PARD3: variants seen among roughly 807,000 people sequenced by gnomAD.
The protein encoded by PARD3 is partitioning defective 3 homolog.
Under a neutral mutation model 155.4 loss-of-function variants are expected in PARD3, and 75 were observed. That is an observed-to-expected ratio of 0.48 (90% CI 0.40 to 0.58). The LOEUF (loss-of-function observed/expected upper bound fraction) is 0.58. Among genes scored for constraint, PARD3 ranks in the 20% least tolerant of loss-of-function variants. The pLI is 0.00. For synonymous variants in PARD3, 576 were observed against 610.5 expected, an observed-to-expected ratio of 0.94 and a Z score of 0.83; for missense variants, 1,642 against 1,721.7, an observed-to-expected ratio of 0.95 and a Z score of 0.82.
intron 3 of PARD3, among the ~76,000 whole-genome samples, chr10:34,511,859 G>A (rs1340369087): frequency 6.6e-6 from 1 of 152,086 alleles, no homozygotes; most frequent in Non-Finnish European, 1.5e-5. Flanking sequence ...CCGAGCCACA[G>A]CGAGTGCAGT....
intron 5 of PARD3, among the ~76,000 whole-genome samples, chr10:34,432,467 G>C (rs188911077): frequency 6.6e-6 from 1 of 151,646 alleles, no homozygotes; most frequent in Non-Finnish European, 1.5e-5. Flanking sequence ...TTGAAGCCTG[G>C]GAGACACAGA....
intron 22 of PARD3, among the ~76,000 whole-genome samples, chr10:34,212,132 C>A (rs1188496457): frequency 1.3e-5 from 2 of 151,828 alleles, no homozygotes; most frequent in Admixed American, 6.6e-5. Context: ...GCTCAAATCG[C>A]TATTATCCTA....
At chr10:34,693,373 G>A (rs952229447) in intron 2 of PARD3, among the ~76,000 whole-genome samples, 13 of 152,116 alleles carry the variant, frequency 8.5e-5, no homozygotes, top group Non-Finnish European at 1.0e-4. Flanking sequence ...TGGTAGAGTG[G>A]ATAAAGAAAA....
chr10:34,462,193 C>T (rs2077694798), intron 4 of PARD3, among the ~76,000 whole-genome samples: 1 of 152,162 alleles, frequency 6.6e-6, no homozygotes, highest in African/African-American at 2.4e-5. Context: ...GCTGGATCTC[C>T]CTTGAAACTA....
intron 1 of PARD3, among the ~76,000 whole-genome samples, chr10:34,717,283 G>A (rs925513156): frequency 2.0e-5 from 3 of 152,086 alleles, no homozygotes; most frequent in African/African-American, 4.8e-5. Context: ...GATGGTCTCT[G>A]GGGTTCCTAT....
chr10:34,470,351 T>C (rs1430745659), intron 3 of PARD3, 88 bp from the exon 4 acceptor site: 3 of 1,015,178 alleles, frequency 3.0e-6, no homozygotes, highest in Non-Finnish European at 4.2e-6. Flanking sequence ...TCCTAAAGAT[T>C]AAGGAACAGA....
intron 12 of PARD3, among the ~76,000 whole-genome samples, chr10:34,371,861 T>C (rs1840701896): frequency 6.6e-6 from 1 of 152,114 alleles, no homozygotes; most frequent in Admixed American, 6.6e-5. Context: ...TCACAGAGAC[T>C]GATAGAGCAA....
intron 22 of PARD3, among the ~76,000 whole-genome samples, chr10:34,209,540 C>A (rs1951640589): frequency 6.6e-6 from 1 of 152,102 alleles, no homozygotes; most frequent in Admixed American, 6.5e-5. Flanking sequence ...AAAATTAACA[C>A]CTTTTATAAA....
chr10:34,810,562 C>T (rs959709798), intron 1 of PARD3, among the ~76,000 whole-genome samples: 4 of 152,202 alleles, frequency 2.6e-5, no homozygotes, highest in Admixed American at 2.0e-4. Flanking sequence ...ACATGCAACA[C>T]ACAATTTTGT....
intron 22 of PARD3, among the ~76,000 whole-genome samples, chr10:34,134,649 G>A (rs1383429155): frequency 6.6e-6 from 1 of 152,134 alleles, no homozygotes; most frequent in Non-Finnish European, 1.5e-5. Flanking sequence ...CTTTTCCTCT[G>A]CTCTTTCTCT....
At chr10:34,470,031 C>A in intron 4 of PARD3, 54 bp downstream of exon 4, 2 of 1,421,434 alleles carry the variant, frequency 1.4e-6, no homozygotes, top group Non-Finnish European at 1.9e-6. Flanking sequence ...TCATCACGGA[C>A]ACCAAGAAGT....
chr10:34,630,441 CTCTT>C (rs1403789304), intron 2 of PARD3, among the ~76,000 whole-genome samples: 1 of 147,730 alleles, frequency 6.8e-6, no homozygotes, highest in Non-Finnish European at 1.5e-5. Flanking sequence ...CTCCCTCTCT[CTCTT>C]TTTTTTTTTT....
intron 7 of PARD3, among the ~76,000 whole-genome samples, chr10:34,386,737 G>A (rs777748522): frequency 5.3e-5 from 8 of 150,680 alleles, no homozygotes; most frequent in Non-Finnish European, 1.0e-4. Context: ...CAGGAGAATC[G>A]CTTGAACCCA....
At chr10:34,586,363 T>C (rs549312639) in intron 2 of PARD3, among the ~76,000 whole-genome samples, 15 of 152,218 alleles carry the variant, frequency 9.9e-5, no homozygotes, top group Non-Finnish European at 1.9e-4. Context: ...ACCTTGTAAC[T>C]GAAAAAACAT....
chr10:34,737,587 C>G (rs554595392), intron 1 of PARD3, among the ~76,000 whole-genome samples: 2 of 152,316 alleles, frequency 1.3e-5, no homozygotes, highest in Non-Finnish European at 2.9e-5. Flanking sequence ...TAATCCCCAA[C>G]GCAACAGTAG....
chr10:34,494,640 T>C (rs192269895), intron 3 of PARD3, among the ~76,000 whole-genome samples: 274 of 152,354 alleles, frequency 1.8e-3, no homozygotes, highest in African/African-American at 6.3e-3. Context: ...AGGACTTTTA[T>C]TTAATGATCA....
At chr10:34,539,580 G>C (rs1393896450) in intron 2 of PARD3, among the ~76,000 whole-genome samples, 2 of 152,320 alleles carry the variant, frequency 1.3e-5, no homozygotes, top group East Asian at 1.9e-4. Flanking sequence ...AGAATCGCTT[G>C]AACCTGGGAG....
chr10:34,803,174 C>T (rs961642516), intron 1 of PARD3, among the ~76,000 whole-genome samples: 3 of 150,056 alleles, frequency 2.0e-5, no homozygotes, highest in African/African-American at 4.9e-5. Flanking sequence ...AGGAGACGGA[C>T]GTTGCAGTGA....
At chr10:34,557,547 C>T (rs1590003226) in intron 2 of PARD3, among the ~76,000 whole-genome samples, 1 of 152,040 alleles carries the variant, frequency 6.6e-6, no homozygotes, top group Non-Finnish European at 1.5e-5. Flanking sequence ...GGTGCAATCT[C>T]GGCACATTGT....
Sources: gnomAD v4.1 joint callset for allele counts (sites outside exome capture counted in the v4.1 genomes callset) on GRCh38, gnomAD v4.1.1 for gene constraint, MANE v1.5 for transcripts, NCBI Gene and HGNC (gene_info 2026-07-23, HGNC 2026-07-21) for gene names.